Variants in CDH5 observed in about 807,000 individuals in gnomAD.
CDH5 encodes cadherin 5.
In CDH5, 28 loss-of-function variants were observed where a neutral mutation model predicts 62.0. The observed-to-expected ratio is 0.45, with a 90% CI of 0.33 to 0.62. CDH5 has a LOEUF of 0.62. CDH5 is among the 20% of genes least tolerant of loss of function. The pLI, the probability that CDH5 is intolerant of heterozygous loss-of-function variation, is 0.02. For synonymous variants in CDH5, 464 were observed against 445.8 expected, an observed-to-expected ratio of 1.04 and a Z score of -0.52; for missense variants, 940 against 1,065.1, an observed-to-expected ratio of 0.88 and a Z score of 1.63.
chr16:66,381,641 T>C (rs1960900496), intron 2 of CDH5, among the ~76,000 whole-genome samples: 1 of 152,184 alleles, frequency 6.6e-6, no homozygotes, highest in African/African-American at 2.4e-5. Flanking sequence ...AGCACCGGAC[T>C]GGGTGCCAGA....
chr16:66,376,017 A>G (rs2142310975), intron 1 of CDH5, among the ~76,000 whole-genome samples: 1 of 152,310 alleles, frequency 6.6e-6, no homozygotes, highest in South Asian at 2.1e-4. Context: ...AGGCTGAGCC[A>G]GGAGAATGAC....
At chr16:66,378,871 G>T (rs1014228556) in intron 1 of CDH5, among the ~76,000 whole-genome samples, 14 of 152,212 alleles carry the variant, frequency 9.2e-5, no homozygotes, top group African/African-American at 3.1e-4. Flanking sequence ...GGAGTGAACA[G>T]ATAAAGGGAG....
chr16:66,401,990 T>TG (rs1419781006), intron 11 of CDH5, among the ~76,000 whole-genome samples: 2 of 152,108 alleles, frequency 1.3e-5, no homozygotes, highest in African/African-American at 4.8e-5. Flanking sequence ...TTCTGGGACT[T>TG]CTCCAGCAGA....
At chr16:66,377,845 C>T (rs1960813279) in intron 1 of CDH5, 1 of 152,248 alleles carries the variant, frequency 6.6e-6, no homozygotes, top group Non-Finnish European at 1.5e-5. Flanking sequence ...ACCCCTGTTC[C>T]TGGAATTCAG....
At chr16:66,399,832 CAT>C (rs2142343257) in intron 10 of CDH5, among the ~76,000 whole-genome samples, 1 of 152,296 alleles carries the variant, frequency 6.6e-6, no homozygotes, top group Non-Finnish European at 1.5e-5. Context: ...GTGTCAATGA[CAT>C]ATAGTTTATT....
intron 5 of CDH5, among the ~76,000 whole-genome samples, chr16:66,389,898 T>C (rs1320439345): frequency 6.6e-6 from 1 of 152,158 alleles, no homozygotes; most frequent in African/African-American, 2.4e-5. Context: ...CCAGTGAACA[T>C]GGGGACAGCA....
At chr16:66,388,256 C>A in intron 3 of CDH5, 68 bp from the exon 4 acceptor site, 1 of 966,066 alleles carries the variant, frequency 1.0e-6, no homozygotes, top group Non-Finnish European at 1.7e-6. Context: ...CCCATCTGCT[C>A]TGTTCCAGGA....
In CDH5 at chr16:66,390,610, C is replaced by T. The variant is rs1961067621; in HGVS notation, c.969+20C>T. On this transcript the variant is annotated intron_variant, in intron 6 of 11. Coordinates refer to ENST00000341529, the MANE Select transcript of CDH5 (RefSeq NM_001795.5). ...ATGAAGGTTTGTAGGCCAATGGCAA[C>T]AATGTCAAACGTGAGGCTTGGGGCT... 1 of 1,610,872 alleles carries T rather than the reference C, an allele frequency of 6.2e-7. No homozygotes were observed. Among genetic ancestry groups the T allele is most frequent in the South Asian group, 1.1e-5 (1 of 90,864 alleles).
In CDH5 at chr16:66,379,479, G is replaced by A; in HGVS notation, c.142G>A (p.Asp48Asn). 2.5e-6 allele frequency: 4 copies of A among 1,614,240 alleles called. No homozygotes were observed. The highest frequency in any genetic ancestry group is 3.4e-6 in the Non-Finnish European group (4 of 1,180,036). The change falls in exon 2 of 12, where the codon GAT (aspartate) becomes AAT (asparagine). Residue 48 changes from aspartate to asparagine, a missense_variant. Physicochemically the swap from Asp to Asn is conservative, Grantham distance 23. Coordinates refer to ENST00000341529, the MANE Select transcript of CDH5 (RefSeq NM_001795.5). Reference protein sequence around the residue: ...LLPTHRRQKRDWIWNQMHIDE... With the variant: ...LLPTHRRQKRNWIWNQMHIDE... ...GCCCACCCACCGGCGCCAAAAGAGAGATTGGATTTGGAACCAGATGCACAT... is the reference window on the plus strand; with the variant it reads ...GCCCACCCACCGGCGCCAAAAGAGAAATTGGATTTGGAACCAGATGCACAT...
chr16:66,388,258 G>T lies in CDH5; in HGVS notation c.500-66G>T, dbSNP rs1961020662. ...GCACAGCCTGAGCCCCATCTGCTCT[G>T]TTCCAGGAATGGGGTAAGGGGCCTA... On this transcript the variant is annotated intron_variant, in intron 3 of 11. Coordinates refer to ENST00000341529, the MANE Select transcript of CDH5 (RefSeq NM_001795.5). The T allele has an allele frequency of 3.0e-6, 3 of 994,404 alleles. No homozygotes were observed. In the South Asian group the frequency reaches 4.0e-5, roughly 13 times the overall value. The allele number at this position is 994,404 out of a possible 1,614,324, so 61.6% of individuals were successfully genotyped here. A position where few individuals can be genotyped will look rare whatever the true frequency, so the allele number is the denominator to read the frequency against.
chr16:66,372,350 G>A lies in CDH5; in HGVS notation c.-20+5592G>A, dbSNP rs1960707010. Among the ~76,000 whole-genome samples, 3 of 152,230 alleles carry A rather than the reference G, an allele frequency of 2.0e-5. No homozygotes were observed. The South Asian group carries it at 6.2e-4, about 31-fold the overall frequency. On this transcript the variant is annotated intron_variant, in intron 1 of 11. Coordinates refer to ENST00000341529, the MANE Select transcript of CDH5 (RefSeq NM_001795.5). Reference sequence around the variant, plus strand: ...TTTGCTGCATGACTGTATAACCCCAGGACTCTAGAGAGAGCTTCAGAGAAG... The same window carrying A: ...TTTGCTGCATGACTGTATAACCCCAAGACTCTAGAGAGAGCTTCAGAGAAG...
At chr16:66,378,890 C>T (rs1280554981) in intron 1 of CDH5, among the ~76,000 whole-genome samples, 1 of 152,154 alleles carries the variant, frequency 6.6e-6, no homozygotes, top group Non-Finnish European at 1.5e-5. Flanking sequence ...AGTTAGGTTC[C>T]CTATGGAAGC....
rs150191621 is a variant in CDH5, at chr16:66,388,149, G to A, written c.500-175G>A. Among the ~76,000 whole-genome samples the A allele has an allele frequency of 9.8e-4, 149 of 152,138 alleles. 1 individual carries two copies. Among genetic ancestry groups the A allele is most frequent in the African/African-American group, 3.4e-3 (141 of 41,496 alleles). On this transcript the variant is annotated intron_variant, in intron 3 of 11. Coordinates refer to ENST00000341529, the MANE Select transcript of CDH5 (RefSeq NM_001795.5). The stretch of plus-strand genomic sequence containing the variant: ...AGGTTGACCTGGCTGGGCCCCCACT[G>A]CCACCAGCACTTTGCCCCCATGCAG...
intron 1 of CDH5, chr16:66,376,578 C>A (rs1960791492): frequency 6.6e-6 from 1 of 152,196 alleles, no homozygotes; most frequent in Non-Finnish European, 1.5e-5. Context: ...ACTGCCTGCA[C>A]AGAGGTGGGC....
Position 66,402,930 on chromosome 16 carries a change from G to A in CDH5, c.2116G>A (p.Ala706Thr). 6.2e-7 allele frequency: 1 copy of A among 1,612,066 alleles called. No individual in the cohort carries two copies. The highest frequency in any genetic ancestry group is 8.5e-7 in the Non-Finnish European group (1 of 1,179,852). ...PGAHGGPGEM[A>T]AMIEVKKDEA... The stretch of plus-strand genomic sequence containing the variant: ...GGCACACGGAGGGCCCGGGGAGATG[G>A]CAGCCATGATCGAGGTGAAGAAGGA... The change falls in exon 12 of 12, where the codon GCA (alanine) becomes ACA (threonine). Residue 706 changes from alanine (A) to threonine (T), a missense_variant. Coordinates refer to ENST00000341529, the MANE Select transcript of CDH5 (RefSeq NM_001795.5).
In CDH5 at chr16:66,395,018, C is replaced by CTT. The variant is rs1174519256; in HGVS notation, c.1218-997_1218-996dup. Among the ~76,000 whole-genome samples the CTT allele has an allele frequency of 1.4e-3, 19 of 13,802 alleles. 8 individuals are homozygous for CTT. The highest frequency in any genetic ancestry group is 8.4e-3 in the South Asian group (2 of 238). 9.1% of individuals were successfully genotyped at this position (13,802 alleles called of 152,430 possible). A position where few individuals can be genotyped will look rare whatever the true frequency, so the allele number is the denominator to read the frequency against. ...GCACACACCACCACACCAGGCTAATCTTTTTTTTTTTTTTTTTTTTTTTTT... is the reference window on the plus strand; with the variant it reads ...GCACACACCACCACACCAGGCTAATCTTTTTTTTTTTTTTTTTTTTTTTTTTT... On this transcript the variant is annotated intron_variant, in intron 7 of 11. Coordinates refer to ENST00000341529, the MANE Select transcript of CDH5 (RefSeq NM_001795.5).
intron 2 of CDH5, among the ~76,000 whole-genome samples, chr16:66,384,768 C>A (rs1398322931): frequency 6.6e-6 from 1 of 151,082 alleles, no homozygotes; most frequent in African/African-American, 2.4e-5. Context: ...GAGTTTGAGA[C>A]CAGCCTGGCC....
At chr16:66,393,239 C>A (rs936954072) in intron 7 of CDH5, among the ~76,000 whole-genome samples, 2 of 152,144 alleles carry the variant, frequency 1.3e-5, no homozygotes, top group East Asian at 1.9e-4. Context: ...CTGTATATAC[C>A]TGTATCTACT....
At chr16:66,391,812 T>G (rs1961089554) in intron 6 of CDH5, among the ~76,000 whole-genome samples, 1 of 152,112 alleles carries the variant, frequency 6.6e-6, no homozygotes, top group Non-Finnish European at 1.5e-5. Flanking sequence ...GACCTGTGGG[T>G]AGAACCACTA....
Sources: allele counts gnomAD v4.1 joint callset (sites outside exome capture counted in the v4.1 genomes callset), GRCh38; gene constraint gnomAD v4.1.1; transcripts MANE v1.5; gene names NCBI Gene and HGNC (gene_info 2026-07-23, HGNC 2026-07-21).